ALG9: variants seen among roughly 807,000 people sequenced by gnomAD.
The protein encoded by ALG9 is alpha-1,2-mannosyltransferase ALG9.
A neutral mutation model predicts 81.8 loss-of-function variants in ALG9; 55 were observed. The observed-to-expected ratio is 0.67, with a 90% CI of 0.54 to 0.84. ALG9 has a LOEUF of 0.84. Ranked by LOEUF, ALG9 falls within the 40% of genes least tolerant of loss-of-function variation. The pLI, the probability that ALG9 is intolerant of heterozygous loss-of-function variation, is 0.00. For missense variants in ALG9, 629 were observed against 745.0 expected (o/e 0.84, Z 1.81); for synonymous variants, 278 against 274.3 (o/e 1.01, Z -0.13).
In ALG9 at chr11:111,784,052, G is replaced by A. The variant is rs1946215494; in HGVS notation, c.*2345C>T. Reference sequence around the variant, plus strand: ...TTATTTACCTCTGGGAAACATAGAGGGCCTTAGCTACTGTGAAGAACAGCA... The same window carrying A: ...TTATTTACCTCTGGGAAACATAGAGAGCCTTAGCTACTGTGAAGAACAGCA... On this transcript the variant is annotated 3_prime_UTR_variant, in exon 15 of 15. Transcript: ENST00000616540. 1 of 152,172 alleles carries A rather than the reference G, an allele frequency of 6.6e-6. No individual in the cohort carries two copies. The highest frequency in any genetic ancestry group is 6.6e-5 in the Admixed American group (1 of 15,262). 9.4% of individuals were successfully genotyped at this position (152,172 alleles called of 1,614,324 possible).
At chr11:111,867,096 A>G (rs782282713) in intron 3 of ALG9, among the ~76,000 whole-genome samples, 45 of 152,248 alleles carry the variant, frequency 3.0e-4, no homozygotes, top group Admixed American at 1.3e-3. Flanking sequence ...CTTCGTCTCA[A>G]AAACAAACCA....
At chr11:111,803,962 G>A (rs1411379356) in intron 14 of ALG9, among the ~76,000 whole-genome samples, 2 of 151,688 alleles carry the variant, frequency 1.3e-5, no homozygotes, top group South Asian at 2.1e-4. Flanking sequence ...GTGAAACCCC[G>A]TCTCTACTAA....
At chr11:111,817,923 G>A (rs1555099433) in intron 13 of ALG9, among the ~76,000 whole-genome samples, 8 of 151,594 alleles carry the variant, frequency 5.3e-5, no homozygotes. Context: ...GGATTACAGG[G>A]GCCCGCCACC....
chr11:111,829,844 C>G (rs1174206952), intron 13 of ALG9, among the ~76,000 whole-genome samples: 1 of 152,216 alleles, frequency 6.6e-6, no homozygotes, highest in Non-Finnish European at 1.5e-5. Flanking sequence ...GAGTAAGCCT[C>G]TAACAGTACT....
intron 6 of ALG9, among the ~76,000 whole-genome samples, chr11:111,856,208 C>T (rs1195867672): frequency 1.5e-5 from 2 of 137,596 alleles, no homozygotes; most frequent in African/African-American, 5.7e-5. Context: ...ACCCGGGAGA[C>T]AGAGGTTGCA....
intron 11 of ALG9, among the ~76,000 whole-genome samples, chr11:111,837,895 T>G (rs924344048): frequency 1.2e-4 from 18 of 152,208 alleles, no homozygotes; most frequent in Non-Finnish European, 1.9e-4. Context: ...AGCATATTTT[T>G]AATATTATGG....
At chr11:111,867,492 A>T (rs1298059590) in intron 3 of ALG9, among the ~76,000 whole-genome samples, 4 of 152,238 alleles carry the variant, frequency 2.6e-5, no homozygotes, top group South Asian at 2.1e-4. Context: ...TCTCAGTAAA[A>T]AAAATTAGAA....
rs782247974 is a variant in ALG9, at chr11:111,844,693, T to C, written c.926A>G (p.Asn309Ser). 4 of 1,613,808 alleles carry C rather than the reference T, an allele frequency of 2.5e-6. No individual in the cohort carries two copies. The highest frequency in any genetic ancestry group is 3.4e-6 in the Non-Finnish European group (4 of 1,179,894). ...GGCTACATTGAAATTCAGAAATCCA[T>C]TAATTAAATAGAAATACCAGGGTTC... is the stretch of plus-strand genomic sequence containing the variant. ...GTEPWYFYLI[N>S]GFLNFNVAFA... Residue 309 changes from asparagine (N) to serine (S), a missense_variant, in exon 9 of 15, where the codon AAT becomes AGT. This residue lies in a region of ALG9 where 344 missense variants were observed against 390.5 expected (regional missense o/e 0.88). Coordinates refer to ENST00000616540, the MANE Select transcript of ALG9 (RefSeq NM_024740.2).
At position 111,836,150 on chromosome 11, in the gene ALG9, G is replaced by T. The variant is rs377678568; in HGVS notation, c.1602+15C>A. 1.5e-5 allele frequency: 25 copies of T among 1,613,678 alleles called. 1 individual carries two copies. The South Asian group carries it at 2.6e-4, about 17-fold the overall frequency. On this transcript the variant is annotated intron_variant, in intron 13 of 14. Coordinates refer to ENST00000616540, the MANE Select transcript of ALG9 (RefSeq NM_024740.2). ...AATTCTTTTCAGAGAAGCAAGAAGA[G>T]AATGTAGCCCTTACATATCTGGATG... is the stretch of plus-strand genomic sequence containing the variant.
intron 4 of ALG9, among the ~76,000 whole-genome samples, chr11:111,861,289 T>C (rs1960012548): frequency 1.3e-5 from 2 of 152,262 alleles, no homozygotes; most frequent in Non-Finnish European, 2.9e-5. Context: ...TCAATGTTTG[T>C]TCGGACATAC....
chr11:111,842,615 G>T (rs1223157744), intron 9 of ALG9, among the ~76,000 whole-genome samples: 3 of 151,604 alleles, frequency 2.0e-5, no homozygotes, highest in African/African-American at 7.3e-5. Context: ...GTAGTGACAG[G>T]GTCTTGCTAT....
intron 13 of ALG9, among the ~76,000 whole-genome samples, chr11:111,816,677 T>C (rs181996096): frequency 9.2e-4 from 140 of 152,302 alleles, no homozygotes; most frequent in Admixed American, 1.4e-3. Context: ...CCAGCTCAGC[T>C]TCCCAAGTAG....
chr11:111,826,614 T>C (rs1555108761), intron 13 of ALG9, among the ~76,000 whole-genome samples: 3 of 152,104 alleles, frequency 2.0e-5, no homozygotes, highest in East Asian at 3.9e-4. Context: ...CCTCTCCTGG[T>C]AGCTTTTGAT....
At chr11:111,779,603 A>C (rs1289066316), downstream of ALG9, among the ~76,000 whole-genome samples, 2 of 152,078 alleles carry the variant, frequency 1.3e-5, no homozygotes, top group African/African-American at 4.8e-5. Context: ...CTCCCACCTC[A>C]GCCTCCCAAA....
In ALG9 at chr11:111,803,832, T is replaced by A. The variant is rs181870318; in HGVS notation, c.1733+5811A>T. On this transcript the variant is annotated intron_variant, in intron 14 of 14. Transcript: ENST00000616540. ...ACTCAAAACAGGCCACAGACCTAAA[T>A]GTAAAAAGTAAAAGTATAGTCTGGG... is the stretch of plus-strand genomic sequence containing the variant. Among the ~76,000 whole-genome samples, 529 of 152,034 alleles carry A rather than the reference T, an allele frequency of 3.5e-3. 9 individuals carry two copies. Among genetic ancestry groups the A allele is most frequent in the East Asian group, 7.7e-4 (4 of 5,162 alleles).
At chr11:111,831,035 G>A (rs1383510553) in intron 13 of ALG9, among the ~76,000 whole-genome samples, 1 of 151,972 alleles carries the variant, frequency 6.6e-6, no homozygotes, top group Non-Finnish European at 1.5e-5. Context: ...GCTAGGGGTA[G>A]TGGCTAATTT....
chr11:111,816,408 A>G (rs1457150851), intron 13 of ALG9, among the ~76,000 whole-genome samples: 1 of 151,444 alleles, frequency 6.6e-6, no homozygotes, highest in Admixed American at 6.6e-5. Context: ...CACCAGGCCT[A>G]GTTAATTTAT....
At chr11:111,838,697 T>A (rs1955731077) in intron 10 of ALG9, among the ~76,000 whole-genome samples, 1 of 152,240 alleles carries the variant, frequency 6.6e-6, no homozygotes, top group African/African-American at 2.4e-5. Flanking sequence ...CAATGCTTTT[T>A]TGGTAGTTTT....
At chr11:111,859,497 CT>C (rs11354045) in intron 5 of ALG9, among the ~76,000 whole-genome samples, 97,950 of 151,228 alleles carry the variant, frequency 0.65, 31,789 homozygotes, top group East Asian at 0.77. Context: ...GAGCGAGACT[CT>C]TGTCTCAAAA....
Sources: gnomAD v4.1 joint callset for allele counts (sites outside exome capture counted in the v4.1 genomes callset) on GRCh38, gnomAD v4.1.1 for gene constraint, gnomAD v4.1.1 regional missense constraint, MANE v1.5 for transcripts, NCBI Gene and HGNC (gene_info 2026-07-23, HGNC 2026-07-21) for gene names.